TMEM156: variants seen among roughly 807,000 people sequenced by gnomAD.
TMEM156 encodes the protein transmembrane protein 156.
In TMEM156, 28 loss-of-function variants were observed where a neutral mutation model predicts 30.5. The ratio of observed to expected loss-of-function variants is 0.92; its 90% CI spans 0.68 to 1.26. TMEM156 has a LOEUF of 1.26. Among genes scored for constraint, TMEM156 ranks in the 50% most tolerant of loss-of-function variants. The pLI, the probability that TMEM156 is intolerant of heterozygous loss-of-function variation, is 0.00. For synonymous variants in TMEM156, 137 were observed against 119.9 expected, an observed-to-expected ratio of 1.14 and a Z score of -0.93; for missense variants, 351 against 340.6, an observed-to-expected ratio of 1.03 and a Z score of -0.24.
intron 3 of TMEM156, among the ~76,000 whole-genome samples, chr4:38,991,900 G>C (rs542126883): frequency 1.9e-4 from 29 of 152,122 alleles, no homozygotes; most frequent in African/African-American, 7.0e-4. Context: ...TCCTCAATCA[G>C]AGGGAACTGA....
At chr4:38,992,187 A>C (rs2109946947) in intron 3 of TMEM156, among the ~76,000 whole-genome samples, 2 of 152,328 alleles carry the variant, frequency 1.3e-5, no homozygotes, top group South Asian at 4.1e-4. Context: ...GAATATCAAA[A>C]AGGACAGCAA....
chr4:38,990,758 A>G (rs1183615115), intron 3 of TMEM156, among the ~76,000 whole-genome samples: 1 of 150,856 alleles, frequency 6.6e-6, no homozygotes, highest in African/African-American at 2.4e-5. Flanking sequence ...CCCCTGATGG[A>G]GAAGGCTTTT....
At chr4:39,026,722 T>C (rs1715224435) in intron 1 of TMEM156, among the ~76,000 whole-genome samples, 1 of 151,244 alleles carries the variant, frequency 6.6e-6, no homozygotes, top group Admixed American at 6.6e-5. Context: ...AGATCAGGAG[T>C]TCAAGACCAG....
rs780027904 is a variant in TMEM156, at chr4:38,988,886, A to G, written c.704T>C (p.Ile235Thr). ...IFLIILTIRKILEGQRRVQKW... is the reference protein window; with the variant it reads ...IFLIILTIRKTLEGQRRVQKW... The stretch of plus-strand genomic sequence containing the variant: ...TTGCACTCTTCTCTGGCCTTCAAGT[A>G]TTTTGCGGATAGTGAGGATGATCAA... Residue 235 changes from isoleucine (I) to threonine (T), a missense_variant, in exon 4 of 7, where the codon ATA becomes ACA. Ile to Thr is a moderately conservative substitution (Grantham distance 89). Transcript: ENST00000381938. 1 of 1,614,102 alleles carries G rather than the reference A, an allele frequency of 6.2e-7. No homozygotes were observed. The highest frequency in any genetic ancestry group is 1.1e-5 in the South Asian group (1 of 91,088).
intron 5 of TMEM156, among the ~76,000 whole-genome samples, chr4:38,978,149 C>A (rs939055509): frequency 6.6e-6 from 1 of 152,170 alleles, no homozygotes; most frequent in Non-Finnish European, 1.5e-5. Flanking sequence ...CCTAGCCAGC[C>A]TCTCTTGACT....
chr4:38,979,059 T>C (rs1245427837), intron 5 of TMEM156, among the ~76,000 whole-genome samples: 2 of 152,252 alleles, frequency 1.3e-5, no homozygotes, highest in Non-Finnish European at 1.5e-5. Flanking sequence ...AAGTGTTTGA[T>C]CTGTATTTCT....
At chr4:39,013,671 A>T (rs976990796) in intron 1 of TMEM156, among the ~76,000 whole-genome samples, 30 of 152,098 alleles carry the variant, frequency 2.0e-4, no homozygotes, top group Admixed American at 2.0e-3. Context: ...AAGTGCCGGG[A>T]TTACAGTCAT....
rs570343989 is a variant in TMEM156, at chr4:39,030,499, T to C, written c.88+1727A>G. Among the ~76,000 whole-genome samples the C allele has an allele frequency of 1.1e-4, 16 of 152,322 alleles. No individual in the cohort carries two copies. In the South Asian group the frequency reaches 3.1e-3, roughly 30 times the overall value. On this transcript the variant is annotated intron_variant, in intron 1 of 6. Transcript: ENST00000381938. ...TCCCCCACTAAGAATTTCTCTGTGC[T>C]TCATCTATCTTCTTTCTGCTCACCA... is the stretch of plus-strand genomic sequence containing the variant.
chr4:39,011,524 C>A (rs148648491), intron 1 of TMEM156, among the ~76,000 whole-genome samples: 320 of 152,226 alleles, frequency 2.1e-3, no homozygotes, highest in African/African-American at 7.3e-3. Flanking sequence ...GCCTGTAATC[C>A]CAGCACTTTG....
chr4:39,015,971 A>T (rs1366361526), intron 1 of TMEM156, among the ~76,000 whole-genome samples: 1 of 151,820 alleles, frequency 6.6e-6, no homozygotes, highest in Non-Finnish European at 1.5e-5. Flanking sequence ...AGTCCATTAA[A>T]CCTCTTTTTT....
intron 3 of TMEM156, among the ~76,000 whole-genome samples, chr4:38,991,661 AT>A (rs928965810): frequency 1.4e-5 from 2 of 139,698 alleles, no homozygotes; most frequent in African/African-American, 5.0e-5. Flanking sequence ...GAATTTATGG[AT>A]TTTTTTCCAT....
At chr4:39,001,533 T>G (rs1713360049) in intron 1 of TMEM156, among the ~76,000 whole-genome samples, 1 of 139,666 alleles carries the variant, frequency 7.2e-6, no homozygotes, top group Non-Finnish European at 1.6e-5. Flanking sequence ...ATGAAAGAAT[T>G]ACTTCTTCTT....
intron 3 of TMEM156, 68 bp from the exon 4 acceptor site, chr4:38,989,038 T>C (rs2109931694): frequency 6.6e-7 from 1 of 1,504,568 alleles, no homozygotes; most frequent in East Asian, 2.3e-5. Flanking sequence ...AATGTGGCAG[T>C]GTAGCTGAGT....
intron 3 of TMEM156, among the ~76,000 whole-genome samples, chr4:38,991,066 C>G (rs984817685): frequency 1.5e-4 from 22 of 151,386 alleles, no homozygotes; most frequent in African/African-American, 5.1e-4. Context: ...AACTCTTGAC[C>G]CCAAGTGATC....
At chr4:39,003,478 G>A (rs1214152894) in intron 1 of TMEM156, among the ~76,000 whole-genome samples, 1 of 152,040 alleles carries the variant, frequency 6.6e-6, no homozygotes, top group Non-Finnish European at 1.5e-5. Flanking sequence ...AGGATTACAG[G>A]CATGCACCAC....
intron 6 of TMEM156, among the ~76,000 whole-genome samples, chr4:38,968,980 ATGGCAAAGT>A (rs1397121376): frequency 6.6e-6 from 1 of 152,148 alleles, no homozygotes; most frequent in Non-Finnish European, 1.5e-5. Context: ...GGAAGAGATG[ATGGCAAAGT>A]TGGGGTTTGT....
At chr4:39,030,811 A>G (rs928449620) in intron 1 of TMEM156, among the ~76,000 whole-genome samples, 5 of 152,206 alleles carry the variant, frequency 3.3e-5, no homozygotes, top group Non-Finnish European at 7.3e-5. Context: ...CTCAGCCCAC[A>G]ATATCTTAAA....
At chr4:38,980,962 G>A (rs754883510) in intron 5 of TMEM156, 11 of 984,788 alleles carry the variant, frequency 1.1e-5, no homozygotes, top group South Asian at 4.7e-5. Flanking sequence ...GTCCTATTCC[G>A]CCTATAGATT....
chr4:39,017,265 C>G (rs1714557757), intron 1 of TMEM156, among the ~76,000 whole-genome samples: 1 of 150,738 alleles, frequency 6.6e-6, no homozygotes, highest in Non-Finnish European at 1.5e-5. Context: ...AGCTCCGCCT[C>G]CCAGGTTCAC....
Sources: gnomAD v4.1 joint callset for allele counts (sites outside exome capture counted in the v4.1 genomes callset) on GRCh38, gnomAD v4.1.1 for gene constraint, MANE v1.5 for transcripts, NCBI Gene and HGNC (gene_info 2026-07-23, HGNC 2026-07-21) for gene names.